Variants in LARGE1 observed in about 807,000 individuals in gnomAD.
The protein encoded by LARGE1 is LARGE xylosyl- and glucuronyltransferase 1.
LARGE1 carries 43 observed loss-of-function variants against 87.6 expected under a neutral mutation model. That is an observed-to-expected ratio of 0.49 (90% confidence interval 0.38 to 0.63). The LOEUF is 0.63. LARGE1 is among the 30% of genes least tolerant of loss of function. The pLI is 0.00. For synonymous variants in LARGE1, 434 were observed against 394.6 expected (o/e 1.10, Z -1.18); for missense variants, 802 against 1,000.2 (o/e 0.80, Z 2.67).
exon 12 of LARGE1, chr22:33,164,988 G>C (rs1922189389): frequency 6.6e-6 from 1 of 152,090 alleles, no homozygotes; most frequent in Non-Finnish European, 1.5e-5. Flanking sequence ...GGCAACTATA[G>C]ACAACGGGGA....
the LARGE1 span, among the ~76,000 whole-genome samples, chr22:33,141,752 T>C: frequency 1.3e-5 from 2 of 152,204 alleles, no homozygotes; most frequent in Admixed American, 1.3e-4. Context: ...ATGCTTTTGG[T>C]ATATGTAAGA....
chr22:33,258,686 GATA>G (rs1328420423), intron 11 of LARGE1, among the ~76,000 whole-genome samples: 2 of 152,144 alleles, frequency 1.3e-5, no homozygotes, highest in African/African-American at 4.8e-5. Context: ...TTGTTTTAAA[GATA>G]ATATCAATTC....
At chr22:33,366,658 C>T (rs1042706421) in intron 9 of LARGE1, among the ~76,000 whole-genome samples, 1 of 152,168 alleles carries the variant, frequency 6.6e-6, no homozygotes, top group Non-Finnish European at 1.5e-5. Context: ...GTCTTTGTGA[C>T]GTGACTTTGC....
At chr22:33,908,851 G>A (rs537563896) in intron 1 of LARGE1, among the ~76,000 whole-genome samples, 3 of 152,240 alleles carry the variant, frequency 2.0e-5, no homozygotes, top group South Asian at 2.1e-4. Flanking sequence ...AACACCAGCC[G>A]TCACAGGAAG....
At chr22:33,713,612 A>T (rs1303989445) in intron 2 of LARGE1, among the ~76,000 whole-genome samples, 4 of 151,726 alleles carry the variant, frequency 2.6e-5, no homozygotes, top group Non-Finnish European at 5.9e-5. Context: ...TGCATAAATG[A>T]TCGATCCATG....
intron 7 of LARGE1, among the ~76,000 whole-genome samples, chr22:33,397,335 G>A (rs563742779): frequency 1.1e-4 from 16 of 152,202 alleles, no homozygotes; most frequent in Non-Finnish European, 2.1e-4. Context: ...GGCTGGTCTC[G>A]AACTCCCGAC....
intron 6 of LARGE1, among the ~76,000 whole-genome samples, chr22:33,441,696 T>A (rs970707224): frequency 1.3e-5 from 2 of 152,154 alleles, no homozygotes; most frequent in African/African-American, 4.8e-5. Flanking sequence ...TGGCCTCAGA[T>A]GATCCTCCCA....
rs5994703 is a variant in LARGE1 at position 33,236,974 on chromosome 22, A to T, written c.1730+67255T>A. On this transcript the variant is annotated intron_variant, in intron 11 of 11. Transcript: ENST00000608642. ...ATCTCATTGTCAAGTAAGACAGTGGATGTGGACAAGCTTTGAAATGTAACA... is the reference window on the plus strand; with the variant it reads ...ATCTCATTGTCAAGTAAGACAGTGGTTGTGGACAAGCTTTGAAATGTAACA... Among the ~76,000 whole-genome samples, 678 of 152,338 alleles carry T rather than the reference A, an allele frequency of 4.5e-3. 5 individuals are homozygous for T. Among genetic ancestry groups the T allele is most frequent in the African/African-American group, 0.015 (639 of 41,574 alleles).
chr22:33,261,227 T>C (rs1326688575), intron 11 of LARGE1, among the ~76,000 whole-genome samples: 1 of 152,218 alleles, frequency 6.6e-6, no homozygotes, highest in Non-Finnish European at 1.5e-5. Flanking sequence ...AGGTTACTTA[T>C]TGTGACAGCT....
At chr22:33,415,042 A>G (rs2066437416) in intron 7 of LARGE1, among the ~76,000 whole-genome samples, 1 of 152,150 alleles carries the variant, frequency 6.6e-6, no homozygotes, top group Non-Finnish European at 1.5e-5. Flanking sequence ...TTTTCGATTC[A>G]AACAAGAGGA....
the LARGE1 span, among the ~76,000 whole-genome samples, chr22:33,153,109 C>T: frequency 6.6e-6 from 1 of 152,136 alleles, no homozygotes; most frequent in Non-Finnish European, 1.5e-5. Flanking sequence ...ATTGGAATTC[C>T]TTGTCTGCTA....
At chr22:33,651,389 C>CAAAAAAA (rs59002897) in intron 2 of LARGE1, among the ~76,000 whole-genome samples, 30 of 53,864 alleles carry the variant, frequency 5.6e-4, no homozygotes, top group South Asian at 2.1e-3. Flanking sequence ...GACTCCGTCT[C>CAAAAAAA]AAAAAAAAAA....
chr22:33,698,811 G>A (rs950626584), intron 2 of LARGE1, among the ~76,000 whole-genome samples: 4 of 152,158 alleles, frequency 2.6e-5, no homozygotes, highest in African/African-American at 7.2e-5. Flanking sequence ...GCATCCTCTC[G>A]ATATTTGTGT....
intron 6 of LARGE1, among the ~76,000 whole-genome samples, chr22:33,447,628 G>C (rs2067737302): frequency 6.6e-6 from 1 of 152,236 alleles, no homozygotes; most frequent in African/African-American, 2.4e-5. Flanking sequence ...AGCCAATCTG[G>C]CTCTGCCAAA....
chr22:33,278,908 C>T (rs566683541), intron 13 of LARGE1, among the ~76,000 whole-genome samples: 8 of 152,124 alleles, frequency 5.3e-5, no homozygotes, highest in African/African-American at 1.2e-4. Context: ...TTAGTAGACA[C>T]GGGGTTTCAC....
At chr22:33,107,316 C>A in the LARGE1 span, among the ~76,000 whole-genome samples, 1 of 152,224 alleles carries the variant, frequency 6.6e-6, no homozygotes, top group South Asian at 2.1e-4. Context: ...GTAATCCCAG[C>A]CCTTTGGGAG....
chr22:33,317,834 GA>G (rs1936319547), intron 10 of LARGE1, among the ~76,000 whole-genome samples: 1 of 152,170 alleles, frequency 6.6e-6, no homozygotes, highest in Non-Finnish European at 1.5e-5. Context: ...TGAAGCCTGG[GA>G]AGAGGCAAGA....
chr22:33,537,102 C>T (rs1002946968), intron 6 of LARGE1, among the ~76,000 whole-genome samples: 40 of 152,192 alleles, frequency 2.6e-4, no homozygotes, highest in African/African-American at 8.9e-4. Context: ...TGAGCCACCG[C>T]GCCCAGTGAA....
chr22:33,078,075 G>T, the LARGE1 span, among the ~76,000 whole-genome samples: 39 of 152,180 alleles, frequency 2.6e-4, no homozygotes, highest in African/African-American at 7.5e-4. Flanking sequence ...AAAATAACTG[G>T]TAATGGTGTA....
Sources: gnomAD v4.1 joint callset for allele counts (sites outside exome capture counted in the v4.1 genomes callset) on GRCh38, gnomAD v4.1.1 for gene constraint, MANE v1.5 for transcripts, NCBI Gene and HGNC (gene_info 2026-07-23, HGNC 2026-07-21) for gene names.